MAP3K13: variants seen among roughly 807,000 people sequenced by gnomAD.
MAP3K13 encodes the protein leucine zipper-bearing kinase.
In MAP3K13, 52 loss-of-function variants were observed where a neutral mutation model predicts 104.0. The observed-to-expected ratio is 0.50, with a 90% CI of 0.40 to 0.63. The LOEUF (loss-of-function observed/expected upper bound fraction) is 0.63, where lower values mean the gene tolerates loss of function less well. Among genes scored for constraint, MAP3K13 ranks in the 20% least tolerant of loss-of-function variants. The pLI is 0.00. For missense variants in MAP3K13, 914 were observed against 1,218.5 expected (o/e 0.75, Z 3.72); for synonymous variants, 394 against 442.2 (o/e 0.89, Z 1.37).
chr3:185,372,376 A>G (rs1230427972), intron 1 of MAP3K13, among the ~76,000 whole-genome samples: 1 of 152,208 alleles, frequency 6.6e-6, no homozygotes, highest in Non-Finnish European at 1.5e-5. Flanking sequence ...CTAAGAAAAA[A>G]TAATAGATCA....
Position 185,488,781 on chromosome 3 carries a change from G to T in MAP3K13, c.*6325G>T, listed in dbSNP as rs1345071846. The T allele has an allele frequency of 6.6e-6, 1 of 152,240 alleles. No homozygotes were observed. Among genetic ancestry groups the T allele is most frequent in the South Asian group, 2.1e-4 (1 of 4,834 alleles). 9.4% of individuals were successfully genotyped at this position (152,240 alleles called of 1,614,324 possible). A position where few individuals can be genotyped will look rare whatever the true frequency, so the allele number is the denominator to read the frequency against. On this transcript the variant is annotated 3_prime_UTR_variant, in exon 14 of 14. Coordinates refer to ENST00000265026, the MANE Select transcript of MAP3K13 (RefSeq NM_004721.5). ...AGCTATTAGGAAGATGTCCCATCTT[G>T]CCCATATCACCCCAGTGGCTCTTCA...
rs146920052 is a variant in MAP3K13, at chr3:185,482,136, G to A, written c.2800-219G>A. ...CAACAGTGCCTGGAGCATAGTAAAC[G>A]CTATATAAGTGGTTGTGTGGTGGGC... On this transcript the variant is annotated intron_variant, in intron 13 of 13. Coordinates refer to ENST00000265026, the MANE Select transcript of MAP3K13 (RefSeq NM_004721.5). The surrounding 1 kb of genome is among the most constrained non-coding windows in gnomAD (Gnocchi z 4.5). Among the ~76,000 whole-genome samples, 4 of 152,290 alleles carry A rather than the reference G, an allele frequency of 2.6e-5. No homozygotes were observed. Among genetic ancestry groups the A allele is most frequent in the South Asian group, 4.1e-4 (2 of 4,824 alleles).
intron 5 of MAP3K13, 58 bp from the exon 6 acceptor site, chr3:185,449,842 A>G (rs1322458755): frequency 6.9e-7 from 1 of 1,455,526 alleles, no homozygotes; most frequent in Non-Finnish European, 9.2e-7. Context: ...ATAGAGAACT[A>G]AAATACAAAT....
intron 2 of MAP3K13, among the ~76,000 whole-genome samples, chr3:185,320,645 C>T (rs1312556097): frequency 6.6e-6 from 1 of 152,154 alleles, no homozygotes; most frequent in Non-Finnish European, 1.5e-5. Context: ...TAATGGCTTG[C>T]TCATAGACAA....
At chr3:185,293,076 G>A in intron 2 of MAP3K13, 1 of 969,974 alleles carries the variant, frequency 1.0e-6, no homozygotes, top group South Asian at 4.8e-5. Flanking sequence ...TTTTTTTCCT[G>A]TGAGTTGCAC....
chr3:185,396,419 T>C (rs1273774159), intron 1 of MAP3K13, among the ~76,000 whole-genome samples: 2 of 152,030 alleles, frequency 1.3e-5, no homozygotes, highest in Admixed American at 1.3e-4. Context: ...TCCAGACCTC[T>C]TGGTGATAAA....
At chr3:185,302,957 C>T (rs1314734610) in intron 2 of MAP3K13, among the ~76,000 whole-genome samples, 1 of 152,152 alleles carries the variant, frequency 6.6e-6, no homozygotes, top group African/African-American at 2.4e-5. Context: ...TGGAGTGTGA[C>T]ATTGGCTGTG....
At chr3:185,456,255 T>G (rs1389663655) in intron 7 of MAP3K13, among the ~76,000 whole-genome samples, 5 of 152,136 alleles carry the variant, frequency 3.3e-5, no homozygotes, top group Non-Finnish European at 7.4e-5. Flanking sequence ...TCCCCACAAC[T>G]GTGTCTTTAA....
intron 1 of MAP3K13, among the ~76,000 whole-genome samples, chr3:185,384,138 T>G (rs1711538853): frequency 6.6e-6 from 1 of 152,190 alleles, no homozygotes; most frequent in Non-Finnish European, 1.5e-5. Flanking sequence ...ATTGTTCTAC[T>G]ACCTACCTCC....
chr3:185,314,858 C>T (rs1721619906), intron 2 of MAP3K13, among the ~76,000 whole-genome samples: 1 of 152,142 alleles, frequency 6.6e-6, no homozygotes, highest in Non-Finnish European at 1.5e-5. Flanking sequence ...CCAGGCTGGT[C>T]TCAAACTCCT....
intron 7 of MAP3K13, among the ~76,000 whole-genome samples, chr3:185,455,975 TATATATATG>T (rs1212650205): frequency 1.4e-5 from 2 of 146,708 alleles, no homozygotes; most frequent in Non-Finnish European, 3.0e-5. Context: ...ATGTATGAGA[TATATATATG>T]ATATATATGA....
At chr3:185,331,360 G>T (rs1428495541) in intron 2 of MAP3K13, among the ~76,000 whole-genome samples, 1 of 151,956 alleles carries the variant, frequency 6.6e-6, no homozygotes, top group Non-Finnish European at 1.5e-5. Flanking sequence ...CTCCCAAAGT[G>T]CTGGGATTAC....
chr3:185,419,402 A>C (rs1395831441), intron 1 of MAP3K13, among the ~76,000 whole-genome samples: 1 of 152,244 alleles, frequency 6.6e-6, no homozygotes, highest in East Asian at 1.9e-4. Flanking sequence ...ATATCTGAAA[A>C]TATAGTGAAG....
At chr3:185,417,523 G>C in intron 1 of MAP3K13, 1 of 1,609,876 alleles carries the variant, frequency 6.2e-7, no homozygotes, top group Non-Finnish European at 8.5e-7. Flanking sequence ...TTCCTCTGTA[G>C]TAGGTTTCTT....
intron 2 of MAP3K13, among the ~76,000 whole-genome samples, chr3:185,328,217 G>A (rs753779576): frequency 1.3e-5 from 2 of 152,188 alleles, no homozygotes; most frequent in East Asian, 1.9e-4. Flanking sequence ...AAAAAAGTCA[G>A]GGAGAATGGA....
In MAP3K13 at chr3:185,385,466, C is replaced by G. The variant is rs148055975; in HGVS notation, c.-86+22098C>G. 4.5e-3 allele frequency among the ~76,000 whole-genome samples: 683 copies of G among 152,248 alleles called. 5 individuals are homozygous for G. Among genetic ancestry groups the G allele is most frequent in the African/African-American group, 0.016 (647 of 41,538 alleles). On this transcript the variant is annotated intron_variant, in intron 1 of 13. Coordinates refer to ENST00000265026, the MANE Select transcript of MAP3K13 (RefSeq NM_004721.5). ...GGGATTGCAGGTGGGAACCACCATG[C>G]CTGGCTGAATTCTACCAATCTTATA...
At chr3:185,426,786 T>A (rs1296966385) in intron 1 of MAP3K13, among the ~76,000 whole-genome samples, 1 of 152,156 alleles carries the variant, frequency 6.6e-6, no homozygotes, top group Admixed American at 6.5e-5. Context: ...ACTTGCTTAA[T>A]GAATGCCTAC....
At chr3:185,350,352 A>G (rs1432958041) in intron 2 of MAP3K13, among the ~76,000 whole-genome samples, 1 of 151,822 alleles carries the variant, frequency 6.6e-6, no homozygotes, top group Non-Finnish European at 1.5e-5. Context: ...TGCCTGGCTA[A>G]TTTTTCTTAT....
In MAP3K13 at chr3:185,418,718, T is replaced by C; in HGVS notation, c.-85-9779T>C. The stretch of plus-strand genomic sequence containing the variant: ...TTGAATACAGCAGGCTAAGTGACAT[T>C]TTTGCCAGATGACTCCCCCTTTTCG... On this transcript the variant is annotated intron_variant, in intron 1 of 13. Coordinates refer to ENST00000265026, the MANE Select transcript of MAP3K13 (RefSeq NM_004721.5). The surrounding 1 kb of genome is among the most constrained non-coding windows in gnomAD (Gnocchi z 4.5). 1 of 1,610,750 alleles carries C rather than the reference T, an allele frequency of 6.2e-7. No homozygotes were observed.
Sources: gnomAD v4.1 joint callset for allele counts (sites outside exome capture counted in the v4.1 genomes callset) on GRCh38, gnomAD v4.1.1 for gene constraint, Gnocchi (gnomAD v3.1) non-coding constraint, MANE v1.5 for transcripts, NCBI Gene and HGNC (gene_info 2026-07-23, HGNC 2026-07-21) for gene names.